MAST4: variants seen among roughly 807,000 people sequenced by gnomAD.
MAST4 encodes microtubule-associated serine/threonine-protein kinase 4.
Under a neutral mutation model 162.7 loss-of-function variants are expected in MAST4, and 89 were observed. The ratio of observed to expected loss-of-function variants is 0.55; its 90% CI spans 0.46 to 0.65. The LOEUF is 0.65. Ranked by LOEUF, MAST4 falls within the 30% of genes least tolerant of loss-of-function variation. MAST4 has a pLI of 0.00. For synonymous variants in MAST4, 1,479 were observed against 1,361.1 expected (o/e 1.09, Z -1.91); for missense variants, 3,153 against 3,374.0 (o/e 0.93, Z 1.62).
At chr5:66,853,525 A>G (rs967635685) in intron 3 of MAST4, among the ~76,000 whole-genome samples, 3 of 152,180 alleles carry the variant, frequency 2.0e-5, no homozygotes, top group African/African-American at 4.8e-5. Flanking sequence ...AAGTTATATC[A>G]CAGAAGATGG....
intron 4 of MAST4, among the ~76,000 whole-genome samples, chr5:67,053,834 G>C (rs1293592485): frequency 6.6e-6 from 1 of 152,124 alleles, no homozygotes; most frequent in Non-Finnish European, 1.5e-5. Flanking sequence ...ACTGGGATCT[G>C]ATTTTATGAT....
chr5:67,021,150 G>A (rs1433488763), intron 4 of MAST4, among the ~76,000 whole-genome samples: 1 of 152,084 alleles, frequency 6.6e-6, no homozygotes, highest in Non-Finnish European at 1.5e-5. Context: ...GCCTTCTCTG[G>A]TAACCCTTCT....
intron 2 of MAST4, among the ~76,000 whole-genome samples, chr5:66,762,206 C>CT (rs1753882894): frequency 6.6e-6 from 1 of 152,014 alleles, no homozygotes; most frequent in African/African-American, 2.4e-5. Flanking sequence ...CTTTTGGTAA[C>CT]TAAGTCTTTG....
chr5:67,100,105 G>C (rs1026588043), intron 7 of MAST4, among the ~76,000 whole-genome samples: 1 of 152,204 alleles, frequency 6.6e-6, no homozygotes, highest in African/African-American at 2.4e-5. Context: ...GAACTAATCT[G>C]TGATACAGTG....
rs1762100428 is a variant in MAST4, at chr5:67,078,873, TATATAA to T, written c.764-11283_764-11278del. Among the ~76,000 whole-genome samples the T allele has an allele frequency of 6.9e-5, 8 of 115,450 alleles. No individual in the cohort carries two copies. In the South Asian group the frequency reaches 1.2e-3, roughly 17 times the overall value. 75.7% of individuals were successfully genotyped at this position (115,450 alleles called of 152,430 possible). ...TTATATATTTATATAAATATATATTTATATAAATATATTTATATATTTATATATTTT... is the reference window on the plus strand; with the variant it reads ...TTATATATTTATATAAATATATATTTATATATTTATATATTTATATATTTT... On this transcript the variant is annotated intron_variant, in intron 5 of 28. Transcript: ENST00000403625.
chr5:66,879,197 T>G (rs1264358713), intron 3 of MAST4, among the ~76,000 whole-genome samples: 1 of 152,078 alleles, frequency 6.6e-6, no homozygotes, highest in Non-Finnish European at 1.5e-5. Flanking sequence ...GAGAATGGCG[T>G]GGACCCGGGA....
intron 1 of MAST4, among the ~76,000 whole-genome samples, chr5:66,679,991 G>T (rs1001016735): frequency 6.6e-6 from 1 of 152,132 alleles, no homozygotes; most frequent in Admixed American, 6.5e-5. Context: ...CTCTCTGCAT[G>T]TAAATTGGCT....
At position 67,072,171 on chromosome 5, in the gene MAST4, T is replaced by C. The variant is rs144833644; in HGVS notation, c.763+17679T>C. 5.8e-3 allele frequency among the ~76,000 whole-genome samples: 886 copies of C among 152,326 alleles called. 10 individuals carry two copies. The highest frequency in any genetic ancestry group is 0.019 in the African/African-American group (786 of 41,586). On this transcript the variant is annotated intron_variant, in intron 5 of 28. Coordinates refer to ENST00000403625, the MANE Select transcript of MAST4 (RefSeq NM_001164664.2). ...ACCATCCAGCAAGGAATTAAAAAATTACCAACTTTACTTTGAAATATAAAT... is the reference window on the plus strand; with the variant it reads ...ACCATCCAGCAAGGAATTAAAAAATCACCAACTTTACTTTGAAATATAAAT...
chr5:66,890,701 G>T (rs1254330799), intron 3 of MAST4, among the ~76,000 whole-genome samples: 1 of 152,142 alleles, frequency 6.6e-6, no homozygotes, highest in Non-Finnish European at 1.5e-5. Flanking sequence ...GCCTACAGGA[G>T]GGGTCTGTGG....
chr5:66,787,827 A>G (rs1299591991), intron 2 of MAST4, among the ~76,000 whole-genome samples: 1 of 152,232 alleles, frequency 6.6e-6, no homozygotes, highest in Non-Finnish European at 1.5e-5. Flanking sequence ...TATTATGGCC[A>G]GTAATTCTGC....
rs925654220 is a variant in MAST4, at chr5:67,054,443, G to T, written c.714G>T (p.Gly238=). The part of the protein sequence containing the change: ...TSNRKSLIGN[G]QSPALPRPHS... ...ACCGGAAAAGCTTAATAGGCAATGG[G>T]CAGTCACCAGCATTGCCTCGACCAC... is the stretch of plus-strand genomic sequence containing the variant. The change falls in exon 5 of 29, where the codon GGG becomes GGT. Residue 238 remains glycine, a synonymous_variant. Transcript: ENST00000403625. The T allele has an allele frequency of 1.2e-6, 2 of 1,611,038 alleles. No individual in the cohort carries two copies. Among genetic ancestry groups the T allele is most frequent in the African/African-American group, 1.3e-5 (1 of 74,932 alleles).
At chr5:67,074,726 AT>A (rs1327840465) in intron 5 of MAST4, among the ~76,000 whole-genome samples, 3 of 152,252 alleles carry the variant, frequency 2.0e-5, no homozygotes, top group African/African-American at 4.8e-5. Flanking sequence ...TTGAAAGTAT[AT>A]TTGTATATAC....
intron 1 of MAST4, among the ~76,000 whole-genome samples, chr5:66,733,191 C>A (rs944975142): frequency 6.6e-6 from 1 of 152,128 alleles, no homozygotes; most frequent in Non-Finnish European, 1.5e-5. Flanking sequence ...AGACTTTTCA[C>A]TAGACAACCC....
intron 1 of MAST4, among the ~76,000 whole-genome samples, chr5:66,633,637 A>G (rs1253750314): frequency 6.6e-6 from 1 of 152,194 alleles, no homozygotes; most frequent in African/African-American, 2.4e-5. Flanking sequence ...GTAATTAAAA[A>G]CTTTTAAAGA....
intron 3 of MAST4, among the ~76,000 whole-genome samples, chr5:66,858,855 T>C (rs1315589058): frequency 6.6e-6 from 1 of 152,170 alleles, no homozygotes; most frequent in Non-Finnish European, 1.5e-5. Context: ...CACTTTTCAC[T>C]ATATAGATGT....
intron 4 of MAST4, chr5:67,004,061 G>C (rs1041207187): frequency 3.9e-5 from 6 of 152,286 alleles, no homozygotes; most frequent in Non-Finnish European, 7.3e-5. Flanking sequence ...GTGAATCACA[G>C]GTCGGCCTCA....
chr5:66,779,343 A>G (rs1754745273), intron 2 of MAST4, among the ~76,000 whole-genome samples: 1 of 148,244 alleles, frequency 6.7e-6, no homozygotes, highest in African/African-American at 2.5e-5. Context: ...TTGAGCACTT[A>G]GAGTCACGAC....
At chr5:66,834,058 T>A (rs1166296323) in intron 3 of MAST4, among the ~76,000 whole-genome samples, 2 of 152,238 alleles carry the variant, frequency 1.3e-5, no homozygotes, top group Non-Finnish European at 2.9e-5. Flanking sequence ...CTGTCTTCCC[T>A]CTGTCACCAC....
chr5:66,622,022 C>T (rs146399341), intron 1 of MAST4, among the ~76,000 whole-genome samples: 48 of 152,110 alleles, frequency 3.2e-4, no homozygotes, highest in Non-Finnish European at 5.9e-4. Context: ...AATCATGCAG[C>T]GGGCCAGATT....
Sources: gnomAD v4.1 joint callset for allele counts (sites outside exome capture counted in the v4.1 genomes callset) on GRCh38, gnomAD v4.1.1 for gene constraint, MANE v1.5 for transcripts, NCBI Gene and HGNC (gene_info 2026-07-23, HGNC 2026-07-21) for gene names.